The following CNKSR2 variants were observed in gnomAD, a reference collection of about 807,000 sequenced individuals.
The protein encoded by CNKSR2 is connector enhancer of kinase suppressor of Ras 2.
Under a neutral mutation model 84.4 loss-of-function variants are expected in CNKSR2, and 14 were observed. That is an observed-to-expected ratio of 0.17 (90% CI 0.11 to 0.26). The LOEUF (loss-of-function observed/expected upper bound fraction) is 0.26. Ranked by LOEUF, CNKSR2 falls within the 10% of genes least tolerant of loss-of-function variation. The pLI, the probability that CNKSR2 is intolerant of heterozygous loss-of-function variation, is 1.00. For synonymous variants in CNKSR2, 275 were observed against 277.9 expected (o/e 0.99, Z 0.10); for missense variants, 485 against 771.2 (o/e 0.63, Z 4.40).
intron 13 of CNKSR2, among the ~76,000 whole-genome samples, chrX:21,573,918 G>A (rs1035343310): frequency 3.6e-5 from 4 of 111,557 alleles, no homozygotes; most frequent in Non-Finnish European, 3.8e-5. Flanking sequence ...CTTTTCTACT[G>A]CATTGTCAGG....
intron 1 of CNKSR2, among the ~76,000 whole-genome samples, chrX:21,376,190 A>G (rs995219720): frequency 1.8e-5 from 2 of 112,421 alleles, no homozygotes; most frequent in Admixed American, 9.3e-5. Flanking sequence ...TTAGAACGAA[A>G]GGTGAGGTGA....
intron 21 of CNKSR2, among the ~76,000 whole-genome samples, chrX:21,652,051 C>T (rs995643730): frequency 5.4e-5 from 6 of 111,309 alleles, no homozygotes; most frequent in African/African-American, 1.3e-4. Context: ...TCTTAAAGAA[C>T]GAAAAAGGTT....
chrX:21,499,063 C>T (rs1436398032), intron 7 of CNKSR2, among the ~76,000 whole-genome samples: 1 of 111,634 alleles, frequency 9.0e-6, no homozygotes, highest in Non-Finnish European at 1.9e-5. Flanking sequence ...AGTGCAGGAG[C>T]AGCTTCACAT....
At chrX:21,468,153 A>G (rs1043399778) in intron 4 of CNKSR2, among the ~76,000 whole-genome samples, 2 of 110,345 alleles carry the variant, frequency 1.8e-5, no homozygotes, top group African/African-American at 6.6e-5. Context: ...CCTAAACAGC[A>G]CTTCTCTAAG....
chrX:21,632,991 A>G (rs2092654604), intron 20 of CNKSR2, among the ~76,000 whole-genome samples: 1 of 59,978 alleles, frequency 1.7e-5, no homozygotes, highest in South Asian at 6.2e-4. Context: ...TATATAATAT[A>G]CACACACACA....
At chrX:21,393,305 T>A (rs1248145365) in intron 1 of CNKSR2, among the ~76,000 whole-genome samples, 1 of 112,148 alleles carries the variant, frequency 8.9e-6, no homozygotes, top group African/African-American at 3.2e-5. Flanking sequence ...ATTCTTAAGC[T>A]ATGCTCACGG....
chrX:21,464,645 A>G (rs1601823229), intron 4 of CNKSR2, among the ~76,000 whole-genome samples: 1 of 111,373 alleles, frequency 9.0e-6, no homozygotes, highest in African/African-American at 3.3e-5. Context: ...AGAGATGACT[A>G]TGGGAGTTGT....
intron 13 of CNKSR2, among the ~76,000 whole-genome samples, chrX:21,567,176 C>T (rs928710284): frequency 1.8e-5 from 2 of 111,761 alleles, no homozygotes; most frequent in African/African-American, 3.3e-5. Context: ...CCTATTTTCT[C>T]TTATCATCCA....
chrX:21,556,868 C>T (rs2092144601), intron 11 of CNKSR2, among the ~76,000 whole-genome samples: 2 of 110,085 alleles, frequency 1.8e-5, no homozygotes, highest in African/African-American at 6.6e-5. Context: ...TTTTAAAAAA[C>T]GATTGGAGAA....
chrX:21,539,348 G>T (rs757007522), intron 11 of CNKSR2, among the ~76,000 whole-genome samples: 2 of 111,249 alleles, frequency 1.8e-5, no homozygotes, highest in East Asian at 5.7e-4. Flanking sequence ...TAAGATTTTT[G>T]TTTGGTTCTT....
intron 1 of CNKSR2, among the ~76,000 whole-genome samples, chrX:21,376,562 A>T (rs1055735513): frequency 9.0e-6 from 1 of 111,665 alleles, no homozygotes; most frequent in Non-Finnish European, 1.9e-5. Context: ...TGTATTTGCT[A>T]TTGAAATTCC....
chrX:21,432,253 C>A (rs2090643736), intron 2 of CNKSR2, among the ~76,000 whole-genome samples: 1 of 111,497 alleles, frequency 9.0e-6, no homozygotes, highest in African/African-American at 3.3e-5. Context: ...AATATCTACT[C>A]AAAAATAATT....
chrX:21,421,636 G>A (rs886900816), intron 1 of CNKSR2, among the ~76,000 whole-genome samples: 1 of 111,471 alleles, frequency 9.0e-6, no homozygotes, highest in Non-Finnish European at 1.9e-5. Context: ...GTAGCCTGAA[G>A]TGGAATTGCT....
At chrX:21,379,786 A>G (rs956512138) in intron 1 of CNKSR2, among the ~76,000 whole-genome samples, 10 of 111,730 alleles carry the variant, frequency 9.0e-5, no homozygotes, top group African/African-American at 3.3e-4. Context: ...AGAGGTGCCA[A>G]CTAGCACATG....
chrX:21,376,117 C>G (rs1338513905), intron 1 of CNKSR2, among the ~76,000 whole-genome samples: 4 of 112,531 alleles, frequency 3.6e-5, no homozygotes, highest in African/African-American at 1.3e-4. Flanking sequence ...ATGCCCGTTC[C>G]TACGATGAAG....
intron 5 of CNKSR2, among the ~76,000 whole-genome samples, chrX:21,483,329 C>T (rs1157146701): frequency 9.1e-6 from 1 of 110,453 alleles, no homozygotes; most frequent in Non-Finnish European, 1.9e-5. Context: ...AAAAACCAAA[C>T]ACTGCATGTT....
chrX:21,589,389 G>A (rs774494642), intron 13 of CNKSR2, among the ~76,000 whole-genome samples: 1 of 111,724 alleles, frequency 9.0e-6, no homozygotes, highest in East Asian at 2.8e-4. Context: ...TGTGAAAAAA[G>A]ACCAGCAAAT....
chrX:21,559,495 A>G (rs1159383486), intron 11 of CNKSR2, among the ~76,000 whole-genome samples: 1 of 111,392 alleles, frequency 9.0e-6, no homozygotes, highest in Non-Finnish European at 1.9e-5. Flanking sequence ...AGCATCTTAA[A>G]TCTCTATCCA....
At chrX:21,593,447 A>T (rs1221573393) in intron 15 of CNKSR2, 1 of 111,608 alleles carries the variant, frequency 9.0e-6, no homozygotes, top group Non-Finnish European at 1.9e-5. Context: ...GTGATAGTGG[A>T]TGGGAGTATA....
Sources: allele counts gnomAD v4.1 joint callset (sites outside exome capture counted in the v4.1 genomes callset), GRCh38; gene constraint gnomAD v4.1.1; transcripts MANE v1.5; gene names NCBI Gene and HGNC (gene_info 2026-07-23, HGNC 2026-07-21).